Variants in MTO1 observed in about 807,000 individuals in gnomAD.
MTO1 encodes mitochondrial tRNA translation optimization 1.
MTO1 carries 46 observed loss-of-function variants against 71.6 expected under a neutral mutation model. That is an observed-to-expected ratio of 0.64 (90% CI 0.51 to 0.82). The LOEUF (loss-of-function observed/expected upper bound fraction) is 0.82, where lower values mean the gene tolerates loss of function less well. MTO1 is among the 40% of genes least tolerant of loss of function. MTO1 has a pLI of 0.00. For synonymous variants in MTO1, 297 were observed against 312.1 expected, an observed-to-expected ratio of 0.95 and a Z score of 0.51; for missense variants, 773 against 867.5, an observed-to-expected ratio of 0.89 and a Z score of 1.37.
At chr6:73,470,798 C>G (rs1193642341) in intron 3 of MTO1, among the ~76,000 whole-genome samples, 1 of 152,066 alleles carries the variant, frequency 6.6e-6, no homozygotes, top group African/African-American at 2.4e-5. Context: ...ACTAAAAATA[C>G]AAAAATTAGC....
chr6:73,483,565 G>A (rs754371428), intron 9 of MTO1, among the ~76,000 whole-genome samples: 9 of 151,880 alleles, frequency 5.9e-5, no homozygotes, highest in Admixed American at 1.3e-4. Flanking sequence ...TCTAGTCTTG[G>A]AGCAATGTGG....
intron 10 of MTO1, among the ~76,000 whole-genome samples, chr6:73,494,751 C>T (rs1771935201): frequency 6.7e-6 from 1 of 148,490 alleles, no homozygotes; most frequent in Admixed American, 6.7e-5. Flanking sequence ...GCTGGGATTA[C>T]AGGCATGAGG....
intron 9 of MTO1, among the ~76,000 whole-genome samples, chr6:73,483,553 T>C (rs1287631060): frequency 1.3e-5 from 2 of 152,114 alleles, no homozygotes; most frequent in East Asian, 1.9e-4. Flanking sequence ...TCTGCTTTCT[T>C]TTCTAGTCTT....
chr6:73,499,941 G>C (rs1199308390), intron 11 of MTO1, among the ~76,000 whole-genome samples: 1 of 152,222 alleles, frequency 6.6e-6, no homozygotes, highest in Non-Finnish European at 1.5e-5. Context: ...TGTTACATTA[G>C]GTACCGCCTC....
At chr6:73,500,497 ATTG>A in intron 11 of MTO1, 74 bp from the exon 12 acceptor site, 4 of 1,302,862 alleles carry the variant, frequency 3.1e-6, no homozygotes, top group East Asian at 2.4e-5. Flanking sequence ...TACTATACAG[ATTG>A]TTATTTGGAG....
intron 9 of MTO1, among the ~76,000 whole-genome samples, chr6:73,488,080 T>C (rs1459882356): frequency 1.3e-5 from 2 of 152,226 alleles, no homozygotes; most frequent in Non-Finnish European, 2.9e-5. Flanking sequence ...TGATGATTAG[T>C]GGATGTTGAG....
intron 4 of MTO1, among the ~76,000 whole-genome samples, chr6:73,477,593 G>T (rs967661363): frequency 1.4e-5 from 2 of 147,830 alleles, no homozygotes; most frequent in South Asian, 2.2e-4. Context: ...TGTAACCTCC[G>T]CCTCCCAGGC....
rs1582701948 is a variant in MTO1 at position 73,497,885 on chromosome 6, C to T, written c.1906C>T (p.Arg636Cys). The change falls in exon 11 of 12, where the codon CGT (arginine) becomes TGT (cysteine). Residue 636 changes from arginine (R) to cysteine (C), a missense_variant. Arg to Cys is a radical substitution (Grantham distance 180). Coordinates refer to ENST00000498286, the MANE Select transcript of MTO1 (RefSeq NM_012123.4). ...AGTTCGAGAGAAACTACATTTTAGT[C>T]GTCCACAGACGGTAAGAAAATAGGC... ...HEVREKLHFS[R>C]PQTIGAASRI... The T allele has an allele frequency of 6.2e-7, 1 of 1,607,966 alleles. No homozygotes were observed.
At chr6:73,464,251 C>T (rs755500978) in intron 1 of MTO1, 2 of 152,024 alleles carry the variant, frequency 1.3e-5, no homozygotes, top group Admixed American at 6.6e-5. Flanking sequence ...TTTGGGGAGC[C>T]CAGGAGTCTT....
chr6:73,479,222 C>T lies in MTO1; in HGVS notation c.826-510C>T, dbSNP rs553947597. Among the ~76,000 whole-genome samples, 43 of 151,186 alleles carry T rather than the reference C, an allele frequency of 2.8e-4. 1 individual carries two copies. The highest frequency in any genetic ancestry group is 2.7e-4 in the African/African-American group (11 of 41,320). ...TTAAAAAAGTAACCATGGCCAGGCA[C>T]GGTGGCTCACACCTGTAATCCCAGC... On this transcript the variant is annotated intron_variant, in intron 4 of 11. Transcript: ENST00000498286.
At chr6:73,480,162 C>A in intron 6 of MTO1, 36 bp downstream of exon 6, 1 of 1,600,628 alleles carries the variant, frequency 6.2e-7, no homozygotes, top group South Asian at 1.1e-5. Context: ...AGTATAAGGT[C>A]AGCATTGTTT....
At position 73,497,755 on chromosome 6, in the gene MTO1, G is replaced by T; in HGVS notation, c.1776G>T (p.Leu592Phe). The T allele has an allele frequency of 6.2e-7, 1 of 1,613,876 alleles. No homozygotes were observed. The highest frequency in any genetic ancestry group is 1.1e-5 in the South Asian group (1 of 91,060). ...GACCAGCCACTTATGAATCAGTGTTGTTCCATCAACTACAAGAAATAAAGG... is the reference window on the plus strand; with the variant it reads ...GACCAGCCACTTATGAATCAGTGTTTTTCCATCAACTACAAGAAATAAAGG... ...LKIEATYESV[L>F]FHQLQEIKGV... Residue 592 changes from leucine to phenylalanine, a missense_variant, in exon 11 of 12, where the codon TTG becomes TTT. Leu to Phe is a conservative substitution (Grantham distance 22, BLOSUM62 0). Coordinates refer to ENST00000498286, the MANE Select transcript of MTO1 (RefSeq NM_012123.4).
rs572404129 is a variant in MTO1, at chr6:73,494,528, T to C, written c.1756+2176T>C. Among the ~76,000 whole-genome samples the C allele has an allele frequency of 1.7e-4, 25 of 150,802 alleles. No individual in the cohort carries two copies. In the South Asian group the frequency reaches 4.8e-3, roughly 29 times the overall value. ...GTCTCGCTTTGTCGCCCAGGCTGGATTCCAGTGGCGCAATTTTGGCTCACT... is the reference window on the plus strand; with the variant it reads ...GTCTCGCTTTGTCGCCCAGGCTGGACTCCAGTGGCGCAATTTTGGCTCACT... On this transcript the variant is annotated intron_variant, in intron 10 of 11. Transcript: ENST00000498286.
intron 9 of MTO1, 62 bp from the exon 10 acceptor site, chr6:73,492,172 G>T: frequency 1.0e-6 from 1 of 991,072 alleles, no homozygotes; most frequent in Non-Finnish European, 1.6e-6. Flanking sequence ...AAAGAATCTT[G>T]TTCTTGATCT....
In MTO1 at chr6:73,500,622, A is replaced by C. The variant is rs992231257; in HGVS notation, c.1966A>C (p.Asn656His). The C allele has an allele frequency of 1.2e-6, 2 of 1,613,952 alleles. No individual in the cohort carries two copies. The highest frequency in any genetic ancestry group is 1.3e-5 in the African/African-American group (1 of 74,932). Residue 656 changes from asparagine (N) to histidine (H), a missense_variant, in exon 12 of 12, where the codon AAT (asparagine) becomes CAT (histidine). Physicochemically the swap from Asn to His is moderately conservative, Grantham distance 68. Transcript: ENST00000498286. ...IPGVTPAAIINLLRFVKTTQR... is the reference protein window; with the variant it reads ...IPGVTPAAIIHLLRFVKTTQR... ...CGGAGTAACACCTGCCGCCATCATC[A>C]ATCTGCTGAGATTTGTGAAGACCAC... is the stretch of plus-strand genomic sequence containing the variant.
chr6:73,498,205 T>C (rs1490778875), intron 11 of MTO1, among the ~76,000 whole-genome samples: 1 of 151,720 alleles, frequency 6.6e-6, no homozygotes, highest in African/African-American at 2.4e-5. Context: ...AGTGAGACCC[T>C]GTCTCAAAAA....
At chr6:73,496,319 C>A (rs141085687) in intron 10 of MTO1, among the ~76,000 whole-genome samples, 1 of 152,192 alleles carries the variant, frequency 6.6e-6, no homozygotes, top group East Asian at 1.9e-4. Flanking sequence ...GAGCAGAATG[C>A]TTTAAACAAA....
At chr6:73,494,223 G>A (rs370171684) in intron 10 of MTO1, among the ~76,000 whole-genome samples, 3 of 151,890 alleles carry the variant, frequency 2.0e-5, no homozygotes, top group African/African-American at 4.8e-5. Flanking sequence ...CGACAAGAGC[G>A]AGACTTCATC....
chr6:73,500,597 C>T lies in MTO1; in HGVS notation c.1941C>T (p.Pro647=), dbSNP rs747150526. The change falls in exon 12 of 12, where the codon CCC becomes CCT. Residue 647 remains proline, a synonymous_variant. Coordinates refer to ENST00000498286, the MANE Select transcript of MTO1 (RefSeq NM_012123.4). ...AGATCGGGGCTGCTAGTCGCATACC[C>T]GGAGTAACACCTGCCGCCATCATCA... ...PQTIGAASRI[P]GVTPAAIINL... 1.7e-5 allele frequency: 28 copies of T among 1,613,134 alleles called. No individual in the cohort carries two copies. Among genetic ancestry groups the T allele is most frequent in the East Asian group, 2.2e-5 (1 of 44,886 alleles).
Sources: allele counts gnomAD v4.1 joint callset (sites outside exome capture counted in the v4.1 genomes callset), GRCh38; gene constraint gnomAD v4.1.1; transcripts MANE v1.5; gene names NCBI Gene and HGNC (gene_info 2026-07-23, HGNC 2026-07-21).